RGS5: variants seen among roughly 807,000 people sequenced by gnomAD.
RGS5 encodes regulator of G protein signaling 5, also known as regulator of G-protein signalling 5.
Under a neutral mutation model 18.9 loss-of-function variants are expected in RGS5, and 20 were observed. The ratio of observed to expected loss-of-function variants is 1.06; its 90% CI spans 0.74 to 1.54. RGS5 has a LOEUF of 1.54. RGS5 is among the 40% of genes most tolerant of loss of function. The pLI, the probability that RGS5 is intolerant of heterozygous loss-of-function variation, is 0.00. For synonymous variants in RGS5, 57 were observed against 76.2 expected, an observed-to-expected ratio of 0.75 and a Z score of 1.31; for missense variants, 201 against 211.8, an observed-to-expected ratio of 0.95 and a Z score of 0.32.
chr1:163,269,843 T>C (rs145403925), intron 2 of RGS5, among the ~76,000 whole-genome samples: 2 of 152,196 alleles, frequency 1.3e-5, no homozygotes, highest in Non-Finnish European at 2.9e-5. Context: ...TTTTCTAGAA[T>C]GATCTCTTTC....
At chr1:163,257,474 A>T (rs114807488) in intron 2 of RGS5, among the ~76,000 whole-genome samples, 1 of 152,272 alleles carries the variant, frequency 6.6e-6, no homozygotes, top group South Asian at 2.1e-4. Context: ...AGAGATCCCC[A>T]GACTCCCAGC....
At chr1:163,152,270 C>T (rs1657403784) in intron 4 of RGS5, among the ~76,000 whole-genome samples, 1 of 152,182 alleles carries the variant, frequency 6.6e-6, no homozygotes, top group Non-Finnish European at 1.5e-5. Flanking sequence ...ATGAGGTTCA[C>T]AGAGACTCAA....
At chr1:163,299,258 G>A (rs959150531) in intron 2 of RGS5, among the ~76,000 whole-genome samples, 3 of 152,154 alleles carry the variant, frequency 2.0e-5, no homozygotes, top group African/African-American at 4.8e-5. Flanking sequence ...CTTTATTGCT[G>A]TATTTTATAT....
At chr1:163,310,861 C>T (rs1432634353) in intron 1 of RGS5, among the ~76,000 whole-genome samples, 1 of 152,098 alleles carries the variant, frequency 6.6e-6, no homozygotes, top group Non-Finnish European at 1.5e-5. Context: ...AGGAAACTTA[C>T]AATCATGGCG....
At chr1:163,238,060 TAAGAA>T in intron 2 of RGS5, 1 of 156,966 alleles carries the variant, frequency 6.4e-6, no homozygotes, top group Middle Eastern at 3.0e-3. Context: ...GTTTAAAAAA[TAAGAA>T]AGTTAGATTT....
At chr1:163,190,251 A>C (rs1659286754) in intron 1 of RGS5, among the ~76,000 whole-genome samples, 2 of 152,194 alleles carry the variant, frequency 1.3e-5, no homozygotes, top group African/African-American at 4.8e-5. Flanking sequence ...AAAGCCTGTG[A>C]GTGCCTCCCC....
chr1:163,274,262 GT>G, intron 2 of RGS5, among the ~76,000 whole-genome samples: 1 of 151,884 alleles, frequency 6.6e-6, no homozygotes, highest in East Asian at 1.9e-4. Context: ...AAATTAGAGG[GT>G]TGGAACTTTC....
intron 2 of RGS5, among the ~76,000 whole-genome samples, chr1:163,233,775 G>C (rs1571308650): frequency 1.3e-5 from 2 of 152,160 alleles, no homozygotes; most frequent in South Asian, 4.2e-4. Flanking sequence ...GGGTGGGGAG[G>C]GTGTATCGTA....
At chr1:163,191,426 T>C (rs1659351362) in intron 1 of RGS5, among the ~76,000 whole-genome samples, 1 of 152,180 alleles carries the variant, frequency 6.6e-6, no homozygotes, top group East Asian at 1.9e-4. Flanking sequence ...GCCTGTAATG[T>C]CCAACAATGA....
At chr1:163,183,158 T>C (rs985332109) in intron 1 of RGS5, among the ~76,000 whole-genome samples, 2 of 152,192 alleles carry the variant, frequency 1.3e-5, no homozygotes, top group Non-Finnish European at 2.9e-5. Flanking sequence ...AAGAGTTTGC[T>C]GAGGAAAATA....
chr1:163,279,742 A>C lies in RGS5; in HGVS notation c.-281+26491T>G, dbSNP rs144557203. On this transcript the variant is annotated intron_variant, in intron 2 of 5. Coordinates refer to the RGS5 transcript ENST00000618415. ...AAAATGAAAAATTGGATTTTTGATA[A>C]GATAAAGAAAATTGACAAACCATTA... Among the ~76,000 whole-genome samples the C allele has an allele frequency of 7.2e-5, 11 of 152,074 alleles. No homozygotes were observed. The East Asian group carries it at 2.1e-3, about 29-fold the overall frequency.
chr1:163,230,272 T>C (rs2457185), intron 2 of RGS5, among the ~76,000 whole-genome samples: 119,180 of 152,140 alleles, frequency 0.78, 47,928 homozygotes, highest in African/African-American at 0.95. Context: ...ATTTCCCTCT[T>C]TACCTCATAA....
At chr1:163,202,411 GCC>G (rs1659807272) in intron 1 of RGS5, among the ~76,000 whole-genome samples, 1 of 152,098 alleles carries the variant, frequency 6.6e-6, no homozygotes, top group Non-Finnish European at 1.5e-5. Flanking sequence ...TAAATAAATT[GCC>G]CAAATAGTAC....
intron 1 of RGS5, among the ~76,000 whole-genome samples, chr1:163,307,638 C>G (rs1649741122): frequency 6.6e-6 from 1 of 151,280 alleles, no homozygotes; most frequent in South Asian, 2.1e-4. Flanking sequence ...AAAAAAGGAG[C>G]TTTAGTAACA....
chr1:163,296,308 G>A (rs1649417794), intron 2 of RGS5, among the ~76,000 whole-genome samples: 1 of 152,134 alleles, frequency 6.6e-6, no homozygotes, highest in Non-Finnish European at 1.5e-5. Flanking sequence ...TTGAGGTTTT[G>A]CGATCTACCT....
intron 1 of RGS5, chr1:163,172,735 TAGG>T: frequency 4.3e-6 from 4 of 922,392 alleles, no homozygotes; most frequent in African/African-American, 1.7e-5. Flanking sequence ...TAAATTTAAT[TAGG>T]AGTTCATTGT....
intron 1 of RGS5, chr1:163,211,432 T>A (rs1324652157): frequency 6.6e-6 from 1 of 151,882 alleles, no homozygotes; most frequent in African/African-American, 2.4e-5. Context: ...ATGTGAGGAG[T>A]CTGGGGGCTT....
chr1:163,181,281 C>T (rs1658835592), intron 1 of RGS5, among the ~76,000 whole-genome samples: 2 of 152,090 alleles, frequency 1.3e-5, no homozygotes, highest in Non-Finnish European at 2.9e-5. Flanking sequence ...ACTCCTGTTG[C>T]CCTCCTCAGT....
upstream of RGS5, among the ~76,000 whole-genome samples, chr1:163,221,231 C>T (rs544324058): frequency 6.6e-6 from 1 of 152,170 alleles, no homozygotes; most frequent in Non-Finnish European, 1.5e-5. Context: ...GGCGCGGTGG[C>T]TCATTCCTGT....
Sources: gnomAD v4.1 joint callset for allele counts (sites outside exome capture counted in the v4.1 genomes callset) on GRCh38, gnomAD v4.1.1 for gene constraint, MANE v1.5 for transcripts, NCBI Gene and HGNC (gene_info 2026-07-23, HGNC 2026-07-21) for gene names.